Variants in CALN1 observed in about 807,000 individuals in gnomAD.
The protein encoded by CALN1 is calneuron 1.
Under a neutral mutation model 30.6 loss-of-function variants are expected in CALN1, and 17 were observed. The ratio of observed to expected loss-of-function variants is 0.56; its 90% CI spans 0.38 to 0.83. The LOEUF (loss-of-function observed/expected upper bound fraction) is 0.83, where lower values mean the gene tolerates loss of function less well. Ranked by LOEUF, CALN1 falls within the 40% of genes least tolerant of loss-of-function variation. The probability of loss-of-function intolerance (pLI) is 0.00; values close to 1 mark genes in which losing one functional copy is unlikely to be tolerated. For missense variants in CALN1, 291 were observed against 354.9 expected, an observed-to-expected ratio of 0.82 and a Z score of 1.45; for synonymous variants, 156 against 131.4, an observed-to-expected ratio of 1.19 and a Z score of -1.28.
chr7:72,179,444 A>G (rs998527865), intron 3 of CALN1, among the ~76,000 whole-genome samples: 1 of 152,220 alleles, frequency 6.6e-6, no homozygotes, highest in Non-Finnish European at 1.5e-5. Flanking sequence ...TTATGTCTGC[A>G]TCGGAGTTTC....
chr7:72,330,615 G>A (rs1232145581), intron 2 of CALN1, among the ~76,000 whole-genome samples: 2 of 152,008 alleles, frequency 1.3e-5, no homozygotes, highest in African/African-American at 4.8e-5. Flanking sequence ...TACCATCTCT[G>A]TCTGACGAAT....
intron 3 of CALN1, among the ~76,000 whole-genome samples, chr7:72,222,196 A>C (rs1275254331): frequency 2.0e-5 from 3 of 152,028 alleles, no homozygotes; most frequent in Non-Finnish European, 2.9e-5. Flanking sequence ...CCTGCGCTCC[A>C]GTCTGGGTAA....
intron 1 of CALN1, among the ~76,000 whole-genome samples, chr7:72,422,411 C>A (rs1202746620): frequency 6.6e-6 from 1 of 152,114 alleles, no homozygotes; most frequent in African/African-American, 2.4e-5. Flanking sequence ...AACCACAAGC[C>A]CCCCTGGCTG....
At chr7:71,823,684 C>T (rs1454785500) in intron 5 of CALN1, among the ~76,000 whole-genome samples, 1 of 151,632 alleles carries the variant, frequency 6.6e-6, no homozygotes, top group Non-Finnish European at 1.5e-5. Context: ...CACCACTGCA[C>T]TCCAGCCTGG....
intron 5 of CALN1, among the ~76,000 whole-genome samples, chr7:71,974,417 CAAAAAAAAAAAAAA>C (rs1052896558): frequency 1.3e-4 from 7 of 55,004 alleles, no homozygotes; most frequent in Non-Finnish European, 2.3e-4. Flanking sequence ...GACTCCATCT[CAAAAAAAAAAAAAA>C]AAAAAAAAAA....
At position 72,335,800 on chromosome 7, in the gene CALN1, G is replaced by A. The variant is rs6968567; in HGVS notation, c.120-56990C>T. ...GGCGCACGTGGCCCAAGGCTAAGAC[G>A]CAAGCCGATCCCCTCGGTGCACGCT... On this transcript the variant is annotated intron_variant, in intron 2 of 6. Coordinates refer to ENST00000395275, the MANE Select transcript of CALN1 (RefSeq NM_031468.4). Among the ~76,000 whole-genome samples the A allele has an allele frequency of 4.2e-3, 638 of 152,224 alleles. 5 individuals carry two copies. The highest frequency in any genetic ancestry group is 0.017 in the Middle Eastern group (5 of 294).
chr7:72,082,438 G>A (rs1030754547), intron 4 of CALN1, among the ~76,000 whole-genome samples: 4 of 152,196 alleles, frequency 2.6e-5, no homozygotes, highest in African/African-American at 9.6e-5. Context: ...GAGAGCTGAG[G>A]GAAATCCCTC....
the CALN1 span, among the ~76,000 whole-genome samples, chr7:72,473,726 A>G: frequency 6.6e-6 from 1 of 152,220 alleles, no homozygotes; most frequent in East Asian, 1.9e-4. Flanking sequence ...TAAGGTCAGG[A>G]GTTCGAGACC....
chr7:72,386,079 C>T (rs1805195651), intron 2 of CALN1, among the ~76,000 whole-genome samples: 1 of 152,150 alleles, frequency 6.6e-6, no homozygotes, highest in African/African-American at 2.4e-5. Flanking sequence ...AAAGGCAAAA[C>T]TATGAGGGAT....
chr7:72,055,654 G>A (rs844765), intron 4 of CALN1, among the ~76,000 whole-genome samples: 115,926 of 152,070 alleles, frequency 0.76, 44,942 homozygotes, highest in East Asian at 1. Flanking sequence ...ACTTTATATA[G>A]CTGAAAGCAA....
chr7:72,138,601 G>A (rs895085230), intron 3 of CALN1, among the ~76,000 whole-genome samples: 6 of 152,172 alleles, frequency 3.9e-5, no homozygotes, highest in Non-Finnish European at 5.9e-5. Flanking sequence ...TTTTAGCACC[G>A]GCTGAGAACT....
chr7:72,358,747 G>A (rs772930690), intron 2 of CALN1, among the ~76,000 whole-genome samples: 1 of 151,968 alleles, frequency 6.6e-6, no homozygotes, highest in Non-Finnish European at 1.5e-5. Context: ...TTAGGAGTTC[G>A]AGACAAGCGT....
At chr7:72,333,686 A>G (rs1801822319) in intron 2 of CALN1, among the ~76,000 whole-genome samples, 1 of 133,134 alleles carries the variant, frequency 7.5e-6, no homozygotes, top group Admixed American at 7.6e-5. Flanking sequence ...GAAAGGGAAT[A>G]TGCAGAAAAA....
rs75388443 is a variant in CALN1, at chr7:72,293,232, G to A, written c.120-14422C>T. ...AGCAGAGATTAGAGATGGCAGCAAC[G>A]TATTCCCACCCCTAGTCTGGAAGGA... On this transcript the variant is annotated intron_variant, in intron 2 of 6. Coordinates refer to ENST00000395275, the MANE Select transcript of CALN1 (RefSeq NM_031468.4). Among the ~76,000 whole-genome samples, 183 of 152,274 alleles carry A rather than the reference G, an allele frequency of 1.2e-3. 2 individuals carry two copies. Among genetic ancestry groups the A allele is most frequent in the East Asian group, 0.012 (62 of 5,184 alleles).
intron 5 of CALN1, among the ~76,000 whole-genome samples, chr7:71,814,802 T>C (rs141963806): frequency 6.6e-6 from 1 of 152,170 alleles, no homozygotes; most frequent in Non-Finnish European, 1.5e-5. Context: ...CAGTGTACAA[T>C]ACATATAACA....
At chr7:71,936,148 A>G (rs1795817772) in intron 5 of CALN1, among the ~76,000 whole-genome samples, 1 of 152,188 alleles carries the variant, frequency 6.6e-6, no homozygotes, top group Non-Finnish European at 1.5e-5. Flanking sequence ...GTTTGATTTC[A>G]TAATAAACAG....
intron 3 of CALN1, among the ~76,000 whole-genome samples, chr7:72,161,505 G>C (rs1289452115): frequency 1.3e-5 from 2 of 152,090 alleles, no homozygotes; most frequent in East Asian, 1.9e-4. Context: ...ATTTGCTTAA[G>C]GCACTCAATT....
At chr7:71,831,269 A>G (rs1273450129) in intron 5 of CALN1, among the ~76,000 whole-genome samples, 1 of 152,210 alleles carries the variant, frequency 6.6e-6, no homozygotes, top group Non-Finnish European at 1.5e-5. Context: ...TCATGAGATC[A>G]GGAGTTCAAG....
chr7:72,113,225 A>G (rs757325667), intron 3 of CALN1, among the ~76,000 whole-genome samples: 1 of 152,078 alleles, frequency 6.6e-6, no homozygotes, highest in Non-Finnish European at 1.5e-5. Flanking sequence ...GAGGAGGAGG[A>G]GGGGTTGCAT....
Sources: gnomAD v4.1 joint callset for allele counts (sites outside exome capture counted in the v4.1 genomes callset) on GRCh38, gnomAD v4.1.1 for gene constraint, MANE v1.5 for transcripts, NCBI Gene and HGNC (gene_info 2026-07-23, HGNC 2026-07-21) for gene names.